EXOC6B: variants seen among roughly 807,000 people sequenced by gnomAD.
EXOC6B encodes SEC15 homolog B.
EXOC6B carries 54 observed loss-of-function variants against 113.5 expected under a neutral mutation model. The ratio of observed to expected loss-of-function variants is 0.48; its 90% CI spans 0.38 to 0.60. The LOEUF (loss-of-function observed/expected upper bound fraction) is 0.60. Ranked by LOEUF, EXOC6B falls within the 20% of genes least tolerant of loss-of-function variation. The pLI is 0.00. For missense variants in EXOC6B, 797 were observed against 977.5 expected, an observed-to-expected ratio of 0.82 and a Z score of 2.46; for synonymous variants, 357 against 339.0, an observed-to-expected ratio of 1.05 and a Z score of -0.58.
intron 16 of EXOC6B, among the ~76,000 whole-genome samples, chr2:72,487,648 T>C (rs185886123): frequency 3.5e-4 from 53 of 152,224 alleles, no homozygotes; most frequent in Admixed American, 3.2e-3. Flanking sequence ...CGTGAGCCAC[T>C]GTGCCGAATC....
At chr2:72,789,774 ATAAT>A (rs1684574925) in intron 1 of EXOC6B, among the ~76,000 whole-genome samples, 2 of 152,212 alleles carry the variant, frequency 1.3e-5, no homozygotes, top group East Asian at 1.9e-4. Flanking sequence ...GAAAATGTCA[ATAAT>A]TAATTATTGA....
intron 19 of EXOC6B, among the ~76,000 whole-genome samples, chr2:72,373,161 C>T (rs757412855): frequency 1.3e-4 from 20 of 151,280 alleles, no homozygotes; most frequent in Non-Finnish European, 1.9e-4. Context: ...CTCCACCTCC[C>T]GGGTTCAAGC....
At chr2:72,199,414 G>C (rs542498979) in intron 20 of EXOC6B, among the ~76,000 whole-genome samples, 2 of 152,292 alleles carry the variant, frequency 1.3e-5, no homozygotes, top group Non-Finnish European at 2.9e-5. Context: ...TATTTGGGAG[G>C]ATGGGGAAAG....
At chr2:72,332,852 CT>C (rs1688485826) in intron 20 of EXOC6B, among the ~76,000 whole-genome samples, 1 of 152,072 alleles carries the variant, frequency 6.6e-6, no homozygotes, top group African/African-American at 2.4e-5. Context: ...ATGATGCTCA[CT>C]TTAAATAAGT....
intron 8 of EXOC6B, among the ~76,000 whole-genome samples, chr2:72,528,875 A>G (rs1430082601): frequency 3.9e-5 from 6 of 152,240 alleles, no homozygotes; most frequent in Non-Finnish European, 5.9e-5. Flanking sequence ...GATGTATGTT[A>G]TCCTATATCC....
At chr2:72,506,826 T>G (rs1366638504) in intron 11 of EXOC6B, among the ~76,000 whole-genome samples, 1 of 152,150 alleles carries the variant, frequency 6.6e-6, no homozygotes, top group Admixed American at 6.5e-5. Context: ...TATTTTGGAC[T>G]GAAGGACTAG....
intron 19 of EXOC6B, among the ~76,000 whole-genome samples, chr2:72,339,424 G>A (rs548663814): frequency 1.3e-5 from 2 of 152,232 alleles, no homozygotes; most frequent in African/African-American, 4.8e-5. Context: ...CATTGGCAAG[G>A]AAAGCAAGGT....
intron 5 of EXOC6B, among the ~76,000 whole-genome samples, chr2:72,724,492 GA>G (rs371409999): frequency 1.2e-4 from 18 of 149,002 alleles, no homozygotes; most frequent in South Asian, 6.4e-4. Flanking sequence ...CTCTCTAAAG[GA>G]AAAAAAAAGC....
intron 1 of EXOC6B, among the ~76,000 whole-genome samples, chr2:72,746,581 T>C (rs1028815346): frequency 1.3e-5 from 2 of 152,082 alleles, no homozygotes; most frequent in Admixed American, 1.3e-4. Flanking sequence ...TGAACAAATA[T>C]TTACCATTCA....
Position 72,740,388 on chromosome 2 carries a change from A to G in EXOC6B, c.279+916T>C, listed in dbSNP as rs1681224201. Among the ~76,000 whole-genome samples, 3 of 152,248 alleles carry G rather than the reference A, an allele frequency of 2.0e-5. 1 individual carries two copies. Among genetic ancestry groups the G allele is most frequent in the South Asian group, 2.1e-4 (1 of 4,836 alleles). On this transcript the variant is annotated intron_variant, in intron 2 of 21. Coordinates refer to ENST00000272427, the MANE Select transcript of EXOC6B (RefSeq NM_015189.3). ...TACAGATCATATGAGGAGTGTTTAC[A>G]TAGAAAACTCAAATTACATATAAAT... is the stretch of plus-strand genomic sequence containing the variant.
intron 8 of EXOC6B, 41 bp downstream of exon 8, chr2:72,559,412 C>G: frequency 7.1e-7 from 1 of 1,408,920 alleles, no homozygotes; most frequent in East Asian, 2.5e-5. Context: ...GTTTTGAACT[C>G]AATGGACATC....
intron 17 of EXOC6B, among the ~76,000 whole-genome samples, chr2:72,479,797 T>G (rs1698966578): frequency 6.6e-6 from 1 of 152,164 alleles, no homozygotes; most frequent in Non-Finnish European, 1.5e-5. Context: ...TGTCATTTCT[T>G]CCCATTTGAT....
At chr2:72,578,347 A>C (rs1705002584) in intron 6 of EXOC6B, among the ~76,000 whole-genome samples, 1 of 152,102 alleles carries the variant, frequency 6.6e-6, no homozygotes, top group Non-Finnish European at 1.5e-5. Flanking sequence ...ATAGAAGCTA[A>C]ACCTAATTTT....
chr2:72,230,027 A>C (rs1281355758), intron 20 of EXOC6B, among the ~76,000 whole-genome samples: 1 of 152,086 alleles, frequency 6.6e-6, no homozygotes, highest in African/African-American at 2.4e-5. Flanking sequence ...AAATGAGGTG[A>C]GTAAGGAGGG....
chr2:72,433,757 G>A (rs1045796616), intron 18 of EXOC6B, among the ~76,000 whole-genome samples: 1 of 152,178 alleles, frequency 6.6e-6, no homozygotes, highest in African/African-American at 2.4e-5. Flanking sequence ...CATTGATTTT[G>A]TATCCTGAGA....
intron 18 of EXOC6B, among the ~76,000 whole-genome samples, chr2:72,434,044 C>T (rs1695709448): frequency 6.6e-6 from 1 of 152,118 alleles, no homozygotes; most frequent in African/African-American, 2.4e-5. Flanking sequence ...GTGGGTTTGT[C>T]ATAAATAGCT....
chr2:72,643,187 T>C (rs1244135462), intron 6 of EXOC6B, among the ~76,000 whole-genome samples: 1 of 152,054 alleles, frequency 6.6e-6, no homozygotes, highest in Non-Finnish European at 1.5e-5. Context: ...AGTTCAACCA[T>C]TGTGGAAGTC....
intron 6 of EXOC6B, among the ~76,000 whole-genome samples, chr2:72,676,126 TAAAAAAA>T (rs879652258): frequency 7.2e-6 from 1 of 138,598 alleles, no homozygotes; most frequent in Non-Finnish European, 1.6e-5. Context: ...CATTCTAGTT[TAAAAAAA>T]AAAAAAAAGA....
chr2:72,800,755 T>C (rs191509495), intron 1 of EXOC6B, among the ~76,000 whole-genome samples: 94 of 152,304 alleles, frequency 6.2e-4, no homozygotes, highest in Non-Finnish European at 1.1e-3. Context: ...GACTCTTAAC[T>C]ACTACACCAC....
Sources: gnomAD v4.1 joint callset for allele counts (sites outside exome capture counted in the v4.1 genomes callset) on GRCh38, gnomAD v4.1.1 for gene constraint, MANE v1.5 for transcripts, NCBI Gene and HGNC (gene_info 2026-07-23, HGNC 2026-07-21) for gene names.